Variants in C8orf34 observed in about 807,000 individuals in gnomAD.
C8orf34 encodes the protein uncharacterized protein C8orf34.
A neutral mutation model predicts 68.3 loss-of-function variants in C8orf34; 65 were observed. The observed-to-expected ratio is 0.95, with a 90% CI of 0.78 to 1.17. The LOEUF (loss-of-function observed/expected upper bound fraction) is 1.17. C8orf34 is among the 50% of genes most tolerant of loss of function. The probability of loss-of-function intolerance (pLI) is 0.00; values close to 1 mark genes in which losing one functional copy is unlikely to be tolerated. For synonymous variants in C8orf34, 244 were observed against 241.2 expected, an observed-to-expected ratio of 1.01 and a Z score of -0.11; for missense variants, 664 against 655.4, an observed-to-expected ratio of 1.01 and a Z score of -0.14.
At chr8:68,702,985 C>A (rs1026525381) in intron 8 of C8orf34, among the ~76,000 whole-genome samples, 2 of 152,076 alleles carry the variant, frequency 1.3e-5, no homozygotes, top group African/African-American at 4.8e-5. Context: ...ACATCAGGAT[C>A]AGTTGGATCT....
chr8:68,761,144 T>C (rs991756469), intron 10 of C8orf34, among the ~76,000 whole-genome samples: 3 of 152,190 alleles, frequency 2.0e-5, no homozygotes, highest in African/African-American at 7.2e-5. Context: ...TTCTCCCAAA[T>C]TAAATGCAAC....
intron 9 of C8orf34, among the ~76,000 whole-genome samples, chr8:68,713,264 C>T (rs529994813): frequency 1.3e-5 from 2 of 152,082 alleles, no homozygotes; most frequent in Non-Finnish European, 2.9e-5. Flanking sequence ...CCTCCTACCT[C>T]CTGGAACTGG....
At chr8:68,670,271 A>G (rs563126168) in intron 8 of C8orf34, among the ~76,000 whole-genome samples, 46 of 152,266 alleles carry the variant, frequency 3.0e-4, no homozygotes, top group Admixed American at 3.9e-4. Context: ...TGTCCCCCCA[A>G]TCCTCAGTAA....
rs138764395 is a variant in C8orf34 at position 68,567,664 on chromosome 8, G to A, written c.1105+34515G>A. Among the ~76,000 whole-genome samples the A allele has an allele frequency of 3.6e-3, 434 of 122,188 alleles. 4 individuals carry two copies. The highest frequency in any genetic ancestry group is 0.012 in the African/African-American group (395 of 31,896). 80.2% of individuals were successfully genotyped at this position (122,188 alleles called of 152,430 possible). A position where few individuals can be genotyped will look rare whatever the true frequency, so the allele number is the denominator to read the frequency against. On this transcript the variant is annotated intron_variant, in intron 7 of 13. Transcript: ENST00000518698. ...GGCTGGAGTGCAGTCGTGCAATCTC[G>A]GCTCACTGCAAATTCCGCCTCCCGG...
intron 7 of C8orf34, among the ~76,000 whole-genome samples, chr8:68,591,012 G>T (rs1817372759): frequency 6.6e-6 from 1 of 152,104 alleles, no homozygotes; most frequent in Non-Finnish European, 1.5e-5. Flanking sequence ...CCAGAATCAG[G>T]CCAGCCACAC....
chr8:68,612,629 A>G (rs923810956), intron 7 of C8orf34, among the ~76,000 whole-genome samples: 11 of 152,180 alleles, frequency 7.2e-5, no homozygotes, highest in Non-Finnish European at 5.9e-5. Flanking sequence ...ACATTTATTA[A>G]ACATCTATCA....
At chr8:68,684,771 T>G (rs904004138) in intron 8 of C8orf34, among the ~76,000 whole-genome samples, 1 of 151,886 alleles carries the variant, frequency 6.6e-6, no homozygotes, top group Non-Finnish European at 1.5e-5. Context: ...GAAAAAAAAT[T>G]ATAGGCTGCT....
At chr8:68,537,713 A>G (rs1815537680) in intron 7 of C8orf34, among the ~76,000 whole-genome samples, 1 of 152,034 alleles carries the variant, frequency 6.6e-6, no homozygotes, top group South Asian at 2.1e-4. Flanking sequence ...TGCTAAATGT[A>G]TCTCAGTCCC....
chr8:68,613,934 C>T (rs1242395634), intron 7 of C8orf34, among the ~76,000 whole-genome samples: 1 of 152,156 alleles, frequency 6.6e-6, no homozygotes, highest in African/African-American at 2.4e-5. Flanking sequence ...TATTTCTCCA[C>T]ATCCTCTCCA....
chr8:68,614,820 G>T (rs1304327471), intron 7 of C8orf34, among the ~76,000 whole-genome samples: 1 of 149,846 alleles, frequency 6.7e-6, no homozygotes, highest in African/African-American at 2.4e-5. Flanking sequence ...TTCCAATTCT[G>T]TGAAGAAAGT....
intron 10 of C8orf34, among the ~76,000 whole-genome samples, chr8:68,758,462 G>A (rs986854941): frequency 7.2e-5 from 11 of 152,096 alleles, no homozygotes; most frequent in African/African-American, 2.7e-4. Flanking sequence ...AGTCTGCAGT[G>A]GTCTTGGCTG....
At chr8:68,464,460 A>G (rs924025393) in intron 3 of C8orf34, among the ~76,000 whole-genome samples, 2 of 151,704 alleles carry the variant, frequency 1.3e-5, no homozygotes, top group Non-Finnish European at 3.0e-5. Context: ...TTTAAAGTTC[A>G]TATGGAACCA....
At chr8:68,478,214 A>G (rs2129630842) in intron 4 of C8orf34, among the ~76,000 whole-genome samples, 1 of 149,832 alleles carries the variant, frequency 6.7e-6, no homozygotes, top group East Asian at 2.0e-4. Context: ...AATTTCAGAT[A>G]ATCTCTCTCA....
chr8:68,404,160 C>G (rs1424646143), intron 1 of C8orf34, among the ~76,000 whole-genome samples: 3 of 151,952 alleles, frequency 2.0e-5, no homozygotes, highest in Non-Finnish European at 2.9e-5. Context: ...GTTTGTTGGC[C>G]GTATAAATGT....
At chr8:68,749,038 C>G (rs1028944847) in intron 10 of C8orf34, among the ~76,000 whole-genome samples, 27 of 152,046 alleles carry the variant, frequency 1.8e-4, no homozygotes, top group African/African-American at 6.5e-4. Context: ...ACATATACAC[C>G]ATGGAATACT....
At chr8:68,754,072 CA>C (rs1276895686) in intron 10 of C8orf34, among the ~76,000 whole-genome samples, 3 of 149,990 alleles carry the variant, frequency 2.0e-5, no homozygotes, top group African/African-American at 7.5e-5. Flanking sequence ...TTCTTTCAAG[CA>C]ATTTTGTGAA....
intron 10 of C8orf34, among the ~76,000 whole-genome samples, chr8:68,752,096 A>G (rs1822724489): frequency 6.6e-6 from 1 of 152,176 alleles, no homozygotes; most frequent in Non-Finnish European, 1.5e-5. Flanking sequence ...AAGTCTTCCA[A>G]CATTTCCTTA....
chr8:68,389,506 T>G (rs1808394469), intron 1 of C8orf34, among the ~76,000 whole-genome samples: 1 of 152,164 alleles, frequency 6.6e-6, no homozygotes, highest in Non-Finnish European at 1.5e-5. Flanking sequence ...GATGATTACT[T>G]ATGGGCACAT....
At chr8:68,764,258 T>G (rs1228913730) in intron 10 of C8orf34, among the ~76,000 whole-genome samples, 1 of 152,190 alleles carries the variant, frequency 6.6e-6, no homozygotes, top group African/African-American at 2.4e-5. Context: ...GGTGCAGAAC[T>G]TGAAGGAATA....
Sources: gnomAD v4.1 joint callset for allele counts (sites outside exome capture counted in the v4.1 genomes callset) on GRCh38, gnomAD v4.1.1 for gene constraint, MANE v1.5 for transcripts, NCBI Gene and HGNC (gene_info 2026-07-23, HGNC 2026-07-21) for gene names.